Variants in UGGT1 observed in about 807,000 individuals in gnomAD.
UGGT1 encodes UDP-glucose glycoprotein glucosyltransferase 1.
In UGGT1, 107 loss-of-function variants were observed where a neutral mutation model predicts 203.9. That is an observed-to-expected ratio of 0.52 (90% CI 0.45 to 0.62). The LOEUF (loss-of-function observed/expected upper bound fraction) is 0.62. Ranked by LOEUF, UGGT1 falls within the 20% of genes least tolerant of loss-of-function variation. The pLI is 0.00. For synonymous variants in UGGT1, 628 were observed against 653.5 expected, an observed-to-expected ratio of 0.96 and a Z score of 0.59; for missense variants, 1,673 against 1,867.2, an observed-to-expected ratio of 0.90 and a Z score of 1.92.
At chr2:128,131,659 C>T (rs975982586) in intron 13 of UGGT1, among the ~76,000 whole-genome samples, 11 of 151,996 alleles carry the variant, frequency 7.2e-5, no homozygotes, top group East Asian at 1.9e-4. Flanking sequence ...ATTGCAGTCT[C>T]GCTCTCTTGC....
Position 128,141,627 on chromosome 2 carries a change from C to T in UGGT1, c.1720-1467C>T, listed in dbSNP as rs190102101. Among the ~76,000 whole-genome samples, 395 of 149,988 alleles carry T rather than the reference C, an allele frequency of 2.6e-3. 2 individuals are homozygous for T. The highest frequency in any genetic ancestry group is 9.4e-3 in the African/African-American group (384 of 40,728). Reference sequence around the variant, plus strand: ...CTCAAAAAACAAAACAAAAATTAACCAGACATAGTGGCAGGCACCATGTCT... The same window carrying T: ...CTCAAAAAACAAAACAAAAATTAACTAGACATAGTGGCAGGCACCATGTCT... On this transcript the variant is annotated intron_variant, in intron 16 of 40. Coordinates refer to ENST00000259253, the MANE Select transcript of UGGT1 (RefSeq NM_020120.4).
chr2:128,189,571 A>T, intron 40 of UGGT1, 146 bp from the exon 41 acceptor site: 1 of 857,628 alleles, frequency 1.2e-6, no homozygotes, highest in Non-Finnish European at 1.8e-6. Flanking sequence ...ACAGTACAAA[A>T]GCACAAATCC....
intron 25 of UGGT1, among the ~76,000 whole-genome samples, chr2:128,163,538 A>AC (rs1471164712): frequency 6.6e-6 from 1 of 151,448 alleles, no homozygotes; most frequent in Non-Finnish European, 1.5e-5. Context: ...ACACGGTGAA[A>AC]CCCCGTCTCT....
At chr2:128,109,518 A>G in intron 4 of UGGT1, 116 bp from the exon 5 acceptor site, 1 of 826,612 alleles carries the variant, frequency 1.2e-6, no homozygotes, top group East Asian at 2.7e-5. Flanking sequence ...TACCACACTC[A>G]GCCAGTTTCA....
intron 3 of UGGT1, among the ~76,000 whole-genome samples, chr2:128,107,161 A>G (rs779055953): frequency 2.6e-5 from 4 of 151,874 alleles, no homozygotes; most frequent in African/African-American, 4.8e-5. Context: ...TTTTACAGCA[A>G]ATATATACAT....
intron 4 of UGGT1, among the ~76,000 whole-genome samples, chr2:128,109,091 C>T (rs1335395047): frequency 6.6e-6 from 1 of 151,996 alleles, no homozygotes; most frequent in African/African-American, 2.4e-5. Flanking sequence ...AGGATTTCGC[C>T]GTGTTGGCTA....
chr2:128,129,588 G>A (rs926805708), intron 13 of UGGT1, among the ~76,000 whole-genome samples: 3 of 151,600 alleles, frequency 2.0e-5, no homozygotes, highest in East Asian at 1.9e-4. Context: ...TAGTATAGAC[G>A]GGGTTTCACA....
intron 13 of UGGT1, among the ~76,000 whole-genome samples, chr2:128,129,839 GA>G (rs1688790711): frequency 2.0e-5 from 3 of 152,118 alleles, no homozygotes; most frequent in Non-Finnish European, 4.4e-5. Flanking sequence ...AACTACTATT[GA>G]AAATGTCACT....
rs566517560 is a variant in UGGT1, at chr2:128,161,253, G to C, written c.2810G>C (p.Arg937Pro). The change falls in exon 25 of 41, where the codon CGG (arginine) becomes CCG (proline). Residue 937 changes from arginine to proline, a missense_variant. By Grantham distance (103) the Arg-to-Pro change is moderately radical. This residue lies in a region of UGGT1 where 1,073 missense variants were observed against 1,078.7 expected (regional missense o/e 0.99). Coordinates refer to ENST00000259253, the MANE Select transcript of UGGT1 (RefSeq NM_020120.4). ...QKIKSHIQQL[R>P]VEEDVASDLV... The stretch of plus-strand genomic sequence containing the variant: ...ATAAAATCTCATATTCAACAGCTTC[G>C]GGTAGAAGAAGATGTGTAAGTTTTG... 1 of 1,613,404 alleles carries C rather than the reference G, an allele frequency of 6.2e-7. No individual in the cohort carries two copies. The highest frequency in any genetic ancestry group is 8.5e-7 in the Non-Finnish European group (1 of 1,179,804).
rs755766836 is a variant in UGGT1, at chr2:128,120,388, A to G, written c.905A>G (p.Lys302Arg). Residue 302 changes from lysine to arginine, a missense_variant, in exon 9 of 41, where the codon AAA becomes AGA. Lys to Arg is a conservative substitution (Grantham distance 26). Around this residue, in one of 4 missense-constraint regions of UGGT1, gnomAD observed 1,073 missense variants for 1,078.7 expected, o/e 0.99. Coordinates refer to ENST00000259253, the MANE Select transcript of UGGT1 (RefSeq NM_020120.4). ...CACCCCGACCTGGAGGGACAGTTGAAAGAACTCAGAAAGCATCTTGTAGAG... is the reference window on the plus strand; with the variant it reads ...CACCCCGACCTGGAGGGACAGTTGAGAGAACTCAGAAAGCATCTTGTAGAG... ...DLHPDLEGQLKELRKHLVEST... is the reference protein window; with the variant it reads ...DLHPDLEGQLRELRKHLVEST... The G allele has an allele frequency of 5.0e-6, 8 of 1,613,956 alleles. No homozygotes were observed. In the Admixed American group the frequency reaches 1.3e-4, roughly 27 times the overall value.
At chr2:128,157,003 C>G (rs185807336) in intron 21 of UGGT1, among the ~76,000 whole-genome samples, 1 of 152,322 alleles carries the variant, frequency 6.6e-6, no homozygotes, top group African/African-American at 2.4e-5. Flanking sequence ...AACAGATGCC[C>G]AGACCAGTGC....
chr2:128,107,996 C>A lies in UGGT1; in HGVS notation c.336C>A (p.Pro112=). 2 of 1,614,122 alleles carry A rather than the reference C, an allele frequency of 1.2e-6. No individual in the cohort carries two copies. The highest frequency in any genetic ancestry group is 1.7e-6 in the Non-Finnish European group (2 of 1,180,018). ...AGGCTGCATTTCAGTTTCTGTCACC[C>A]CTCCAGCAGAATTTGTTTAAATTTT... ...ILEAAFQFLS[P]LQQNLFKFCL... is the part of the protein sequence containing the mutation. The change falls in exon 4 of 41, where the codon CCC becomes CCA. Residue 112 remains proline, a synonymous_variant. Transcript: ENST00000259253.
intron 2 of UGGT1, among the ~76,000 whole-genome samples, chr2:128,101,102 A>G (rs1283738160): frequency 6.6e-6 from 1 of 152,062 alleles, no homozygotes; most frequent in Non-Finnish European, 1.5e-5. Context: ...GGCTATTTGT[A>G]TACAGTTTCC....
In UGGT1 at chr2:128,189,782, A is replaced by G. The variant is rs1371487934; in HGVS notation, c.*40A>G. Reference sequence around the variant, plus strand: ...CAGGAAATCACCCCATTTGAAAAACAGTTTTTATAATAAATGCTAGTTTTT... The same window carrying G: ...CAGGAAATCACCCCATTTGAAAAACGGTTTTTATAATAAATGCTAGTTTTT... On this transcript the variant is annotated 3_prime_UTR_variant, in exon 41 of 41. Transcript: ENST00000259253. 5.0e-6 allele frequency: 8 copies of G among 1,608,612 alleles called. No individual in the cohort carries two copies. The highest frequency in any genetic ancestry group is 6.0e-6 in the Non-Finnish European group (7 of 1,176,468).
chr2:128,168,117 T>C (rs946043982), intron 26 of UGGT1, among the ~76,000 whole-genome samples: 8 of 152,126 alleles, frequency 5.3e-5, no homozygotes, highest in Admixed American at 5.2e-4. Flanking sequence ...AAAATTTGGC[T>C]TTTACTTAGA....
rs1423207886 is a variant in UGGT1, at chr2:128,180,941, C to T, written c.3952C>T (p.Gln1318Ter). 1 of 1,614,028 alleles carries T rather than the reference C, an allele frequency of 6.2e-7. No individual in the cohort carries two copies. Among genetic ancestry groups the T allele is most frequent in the African/African-American group, 1.3e-5 (1 of 74,922 alleles). Residue 1318 changes from glutamine (Q) to a stop codon, truncating the protein, a stop_gained, in exon 36 of 41, where the codon CAG becomes TAG. Transcript: ENST00000259253. LOFTEE classifies it high-confidence loss of function. ...ATACAATTTCCAGTATGAGCTTGTT[C>T]AGTACAAATGGCCCCGGTGGCTTCA... is the stretch of plus-strand genomic sequence containing the variant. Reference protein sequence around the residue: ...NEYNFQYELVQYKWPRWLHQQ... With the variant: ...NEYNFQYELV
intron 28 of UGGT1, among the ~76,000 whole-genome samples, chr2:128,171,741 CAAGTGATCCGTCTGCCTCACTTCCCA>C (rs1357921605): frequency 6.6e-6 from 1 of 152,150 alleles, no homozygotes; most frequent in Non-Finnish European, 1.5e-5. Context: ...CTCCTGACCT[CAAGTGATCCGTCTGCCTCACTTCCCA>C]AAGTGCTGGG....
chr2:128,143,058 A>G (rs1439864744), intron 16 of UGGT1, 36 bp from the exon 17 acceptor site: 2 of 1,544,510 alleles, frequency 1.3e-6, no homozygotes, highest in Middle Eastern at 1.7e-4. Flanking sequence ...TTTGAACTTA[A>G]AAGTGTAGTT....
intron 7 of UGGT1, among the ~76,000 whole-genome samples, chr2:128,115,749 T>C (rs1431829165): frequency 6.6e-6 from 1 of 152,132 alleles, no homozygotes; most frequent in Admixed American, 6.6e-5. Context: ...TTTATTATTT[T>C]ATCTACAAGT....
Sources: gnomAD v4.1 joint callset for allele counts (sites outside exome capture counted in the v4.1 genomes callset) on GRCh38, gnomAD v4.1.1 for gene constraint, gnomAD v4.1.1 regional missense constraint, MANE v1.5 for transcripts, NCBI Gene and HGNC (gene_info 2026-07-23, HGNC 2026-07-21) for gene names.